The following GPC5 variants were observed in gnomAD, a reference collection of about 807,000 sequenced individuals.
The protein encoded by GPC5 is glypican-5.
In GPC5, 47 loss-of-function variants were observed where a neutral mutation model predicts 53.9. The ratio of observed to expected loss-of-function variants is 0.87; its 90% CI spans 0.69 to 1.11. The LOEUF (loss-of-function observed/expected upper bound fraction) is 1.11. Among genes scored for constraint, GPC5 ranks in the 50% most tolerant of loss-of-function variants. The pLI, the probability that GPC5 is intolerant of heterozygous loss-of-function variation, is 0.00. For missense variants in GPC5, 748 were observed against 713.1 expected, an observed-to-expected ratio of 1.05 and a Z score of -0.56; for synonymous variants, 286 against 263.3, an observed-to-expected ratio of 1.09 and a Z score of -0.84.
At position 92,770,825 on chromosome 13, in the gene GPC5, C is replaced by T. The variant is rs141574227; in HGVS notation, c.1562-95457C>T. On this transcript the variant is annotated intron_variant, in intron 7 of 7. Coordinates refer to ENST00000377067, the MANE Select transcript of GPC5 (RefSeq NM_004466.6). ...CCGTTTTAGCTGATTTCCACAGACT[C>T]CATTACTGCAGGCTATGGGAGAGCA... 2.0e-5 allele frequency among the ~76,000 whole-genome samples: 3 copies of T among 152,226 alleles called. No homozygotes were observed. The East Asian group carries it at 5.8e-4, about 30-fold the overall frequency.
chr13:91,571,946 CATAT>C (rs1379581755), intron 2 of GPC5, among the ~76,000 whole-genome samples: 38 of 112,468 alleles, frequency 3.4e-4, no homozygotes, highest in Non-Finnish European at 5.6e-4. Flanking sequence ...CATGTATATA[CATAT>C]ACACACATAT....
chr13:92,283,591 C>T (rs1356996484), intron 7 of GPC5, among the ~76,000 whole-genome samples: 2 of 152,184 alleles, frequency 1.3e-5, no homozygotes, highest in African/African-American at 4.8e-5. Context: ...AAGAAACTCC[C>T]TCAAAACCGC....
chr13:92,007,978 T>A (rs75710924), intron 6 of GPC5, among the ~76,000 whole-genome samples: 5,928 of 152,156 alleles, frequency 0.039, 368 homozygotes, highest in African/African-American at 0.14. Context: ...CTTCTACATA[T>A]GTTATAAATT....
chr13:92,265,465 A>G (rs891393059), intron 7 of GPC5, among the ~76,000 whole-genome samples: 1 of 151,886 alleles, frequency 6.6e-6, no homozygotes, highest in African/African-American at 2.4e-5. Flanking sequence ...TCTTCACTCC[A>G]TTTTTCAGTA....
chr13:92,445,496 T>A (rs1489979792), intron 7 of GPC5, among the ~76,000 whole-genome samples: 1 of 116,772 alleles, frequency 8.6e-6, no homozygotes, highest in Non-Finnish European at 1.6e-5. Context: ...CCCCAGAGTG[T>A]GATGTTCCCC....
chr13:92,665,072 A>G (rs537894152), intron 7 of GPC5, among the ~76,000 whole-genome samples: 2 of 152,332 alleles, frequency 1.3e-5, no homozygotes, highest in African/African-American at 4.8e-5. Context: ...TGATGAAAAT[A>G]TAGATACACG....
intron 7 of GPC5, among the ~76,000 whole-genome samples, chr13:92,589,386 C>A (rs1057032578): frequency 1.3e-5 from 2 of 152,114 alleles, no homozygotes; most frequent in Non-Finnish European, 2.9e-5. Context: ...GTTTTTCATC[C>A]CTGAGGCTAG....
rs1007633883 is a variant in GPC5, at chr13:91,740,016, T to G, written c.1154+11351T>G. On this transcript the variant is annotated intron_variant, in intron 4 of 7. Transcript: ENST00000377067. ...TTGCTTCAAGGTGTGGGACCAAACCTGGTGAAATGCATGCTTCAGTGCTTC... is the reference window on the plus strand; with the variant it reads ...TTGCTTCAAGGTGTGGGACCAAACCGGGTGAAATGCATGCTTCAGTGCTTC... 6.6e-5 allele frequency among the ~76,000 whole-genome samples: 10 copies of G among 151,516 alleles called. 2 individuals are homozygous for G. The highest frequency in any genetic ancestry group is 2.5e-4 in the African/African-American group (10 of 40,808).
intron 5 of GPC5, among the ~76,000 whole-genome samples, chr13:91,802,461 T>C (rs2055001499): frequency 2.0e-5 from 3 of 152,164 alleles, no homozygotes; most frequent in South Asian, 4.1e-4. Flanking sequence ...GCAAGATTTA[T>C]TGTGAAGAGC....
intron 5 of GPC5, among the ~76,000 whole-genome samples, chr13:91,882,760 A>AT (rs1318944846): frequency 3.3e-4 from 43 of 132,194 alleles, no homozygotes; most frequent in African/African-American, 5.8e-4. Flanking sequence ...ATCAAAGCTG[A>AT]TTTTTTTTTG....
intron 7 of GPC5, among the ~76,000 whole-genome samples, chr13:92,798,414 G>A (rs1160949131): frequency 6.6e-6 from 1 of 151,752 alleles, no homozygotes; most frequent in East Asian, 1.9e-4. Flanking sequence ...GTTTGAACCA[G>A]CTATTGAATC....
chr13:92,227,431 T>C (rs2042495915), intron 7 of GPC5, among the ~76,000 whole-genome samples: 1 of 152,128 alleles, frequency 6.6e-6, no homozygotes, highest in African/African-American at 2.4e-5. Context: ...ATTGCCTAAC[T>C]CAGTGTCCCC....
chr13:92,570,803 C>T (rs1434531955), intron 7 of GPC5, among the ~76,000 whole-genome samples: 5 of 152,056 alleles, frequency 3.3e-5, no homozygotes, highest in Non-Finnish European at 7.4e-5. Context: ...TTATAATTTA[C>T]ATCTATTTTT....
At chr13:91,586,530 A>C (rs1384776993) in intron 2 of GPC5, among the ~76,000 whole-genome samples, 1 of 39,534 alleles carries the variant, frequency 2.5e-5, no homozygotes, top group South Asian at 6.8e-4. Context: ...ATATATATAT[A>C]TATATATATA....
chr13:91,407,786 C>A (rs565121113), intron 1 of GPC5, among the ~76,000 whole-genome samples: 3 of 152,074 alleles, frequency 2.0e-5, no homozygotes, highest in Non-Finnish European at 2.9e-5. Flanking sequence ...CCACAGTTTT[C>A]AGAATAAGGA....
At chr13:91,964,101 T>C (rs978286666) in intron 6 of GPC5, among the ~76,000 whole-genome samples, 1 of 152,164 alleles carries the variant, frequency 6.6e-6, no homozygotes, top group Non-Finnish European at 1.5e-5. Flanking sequence ...TTTTTCCTTC[T>C]GATGTTCAGA....
chr13:92,842,533 A>T (rs532050212), intron 7 of GPC5, among the ~76,000 whole-genome samples: 1 of 152,276 alleles, frequency 6.6e-6, no homozygotes, highest in East Asian at 1.9e-4. Context: ...AATAACATTT[A>T]AAAATGGCCC....
intron 7 of GPC5, among the ~76,000 whole-genome samples, chr13:92,768,609 A>C (rs1460475826): frequency 2.0e-5 from 3 of 152,136 alleles, no homozygotes; most frequent in Non-Finnish European, 4.4e-5. Context: ...AATAGAATGA[A>C]AAATCTTTCC....
At chr13:91,760,557 C>A (rs577842807) in intron 5 of GPC5, among the ~76,000 whole-genome samples, 1 of 152,120 alleles carries the variant, frequency 6.6e-6, no homozygotes, top group Non-Finnish European at 1.5e-5. Flanking sequence ...AAGCCAAACA[C>A]ATCAATAGGT....
Sources: gnomAD v4.1 joint callset for allele counts (sites outside exome capture counted in the v4.1 genomes callset) on GRCh38, gnomAD v4.1.1 for gene constraint, MANE v1.5 for transcripts, NCBI Gene and HGNC (gene_info 2026-07-23, HGNC 2026-07-21) for gene names.